Variants in WDFY3 observed in about 807,000 individuals in gnomAD.
The protein encoded by WDFY3 is WD repeat and FYVE domain containing 3.
WDFY3 carries 66 observed loss-of-function variants against 409.6 expected under a neutral mutation model. The ratio of observed to expected loss-of-function variants is 0.16; its 90% confidence interval spans 0.13 to 0.20. The LOEUF is 0.20. Ranked by LOEUF, WDFY3 falls within the 10% of genes least tolerant of loss-of-function variation. The probability of loss-of-function intolerance (pLI) is 1.00; values close to 1 mark genes in which losing one functional copy is unlikely to be tolerated. For missense variants in WDFY3, 3,031 were observed against 4,298.1 expected, an observed-to-expected ratio of 0.71 and a Z score of 8.24; for synonymous variants, 1,521 against 1,537.1, an observed-to-expected ratio of 0.99 and a Z score of 0.25.
At chr4:84,793,665 T>C (rs1748892707) in intron 21 of WDFY3, among the ~76,000 whole-genome samples, 1 of 152,194 alleles carries the variant, frequency 6.6e-6, no homozygotes, top group Non-Finnish European at 1.5e-5. Flanking sequence ...TAGGACGAAT[T>C]AGTCAACAGG....
chr4:84,762,230 T>C (rs1467730059), intron 32 of WDFY3, among the ~76,000 whole-genome samples: 2 of 151,256 alleles, frequency 1.3e-5, no homozygotes, highest in African/African-American at 2.4e-5. Context: ...CCAACAATGA[T>C]AGACTGGATT....
At chr4:84,965,160 A>G (rs1446911230) in intron 1 of WDFY3, among the ~76,000 whole-genome samples, 1 of 152,148 alleles carries the variant, frequency 6.6e-6, no homozygotes, top group East Asian at 1.9e-4. Flanking sequence ...ACGTCGCCTG[A>G]TAGTCGAAAC....
rs750622254 is a variant in WDFY3, at chr4:84,820,193, A to G, written c.1592-7T>C. 31 of 1,591,068 alleles carry G rather than the reference A, an allele frequency of 1.9e-5. No homozygotes were observed. The highest frequency in any genetic ancestry group is 2.2e-5 in the Non-Finnish European group (26 of 1,169,684). ...CTATTATTTCTTGAGTCCCCTAAAA[A>G]AAGGTTCAAAGGTCCAAATTACAAA... On this transcript the variant is annotated splice_polypyrimidine_tract_variant and splice_region_variant and intron_variant, in intron 11 of 67. Coordinates refer to ENST00000295888, the MANE Select transcript of WDFY3 (RefSeq NM_014991.6).
chr4:84,713,083 T>C (rs962963535), intron 51 of WDFY3, 76 bp downstream of exon 51: 2 of 1,484,788 alleles, frequency 1.3e-6, no homozygotes, highest in African/African-American at 2.8e-5. Context: ...ATCTAAAATG[T>C]TAAATAATAC....
At chr4:84,908,450 T>C (rs10856851) in intron 2 of WDFY3, among the ~76,000 whole-genome samples, 59,061 of 152,038 alleles carry the variant, frequency 0.39, 11,790 homozygotes, top group Admixed American at 0.47. Flanking sequence ...TTTATTGGTA[T>C]ACATGGCAAA....
At chr4:84,799,545 C>CT (rs1186600867) in intron 17 of WDFY3, among the ~76,000 whole-genome samples, 1 of 152,018 alleles carries the variant, frequency 6.6e-6, no homozygotes, top group Non-Finnish European at 1.5e-5. Flanking sequence ...AGTCTCTGCC[C>CT]CTATATAAAC....
At chr4:84,864,243 C>A (rs1310234731) in intron 3 of WDFY3, among the ~76,000 whole-genome samples, 1 of 151,564 alleles carries the variant, frequency 6.6e-6, no homozygotes, top group East Asian at 2.0e-4. Flanking sequence ...TGGCACACAC[C>A]AGTAGTCCCA....
intron 53 of WDFY3, among the ~76,000 whole-genome samples, chr4:84,706,624 G>C (rs1339757922): frequency 6.6e-6 from 1 of 151,716 alleles, no homozygotes; most frequent in Non-Finnish European, 1.5e-5. Context: ...AGGCAGAGGA[G>C]AAAAAGAACA....
Position 84,820,068 on chromosome 4 carries a change from G to A in WDFY3, c.1693+17C>T. 6.3e-7 allele frequency: 1 copy of A among 1,583,846 alleles called. No homozygotes were observed. The highest frequency in any genetic ancestry group is 8.6e-7 in the Non-Finnish European group (1 of 1,163,948). ...TGGTAATCTCCCAAAGTATTTGCTT[G>A]CAGCTTTTTAAATTACCTGCATTTG... is the stretch of plus-strand genomic sequence containing the variant. On this transcript the variant is annotated intron_variant, in intron 12 of 67. Transcript: ENST00000295888.
At chr4:84,825,987 T>C (rs1754810877) in intron 10 of WDFY3, among the ~76,000 whole-genome samples, 1 of 152,120 alleles carries the variant, frequency 6.6e-6, no homozygotes, top group Non-Finnish European at 1.5e-5. Flanking sequence ...ATCCAAATGT[T>C]TGGAAATCTA....
chr4:84,783,692 A>G (rs1746964894), intron 24 of WDFY3, among the ~76,000 whole-genome samples: 2 of 152,204 alleles, frequency 1.3e-5, no homozygotes, highest in African/African-American at 4.8e-5. Context: ...AAGTAAACAT[A>G]AGTTATCCAA....
At chr4:84,841,056 A>G in intron 6 of WDFY3, 98 bp downstream of exon 6, 2 of 915,332 alleles carry the variant, frequency 2.2e-6, no homozygotes, top group Non-Finnish European at 3.3e-6. Flanking sequence ...TTATCATAGT[A>G]TCTCATTTGG....
intron 27 of WDFY3, among the ~76,000 whole-genome samples, chr4:84,777,443 T>TG (rs1436586522): frequency 1.3e-5 from 2 of 151,974 alleles, no homozygotes; most frequent in Non-Finnish European, 2.9e-5. Context: ...AGAACCAGGA[T>TG]ATTAACACCT....
At chr4:84,841,380 T>C in intron 5 of WDFY3, 117 bp from the exon 6 acceptor site, 3 of 778,246 alleles carry the variant, frequency 3.9e-6, no homozygotes, top group Non-Finnish European at 4.1e-6. Flanking sequence ...ATCAGCACTA[T>C]TACATATAGA....
chr4:84,874,340 G>C (rs1220122781), intron 3 of WDFY3, among the ~76,000 whole-genome samples: 1 of 151,906 alleles, frequency 6.6e-6, no homozygotes, highest in African/African-American at 2.4e-5. Flanking sequence ...TTGAGCCCAG[G>C]AGGCGGAGGT....
chr4:84,814,781 C>T (rs772427708), intron 13 of WDFY3, among the ~76,000 whole-genome samples: 10 of 151,866 alleles, frequency 6.6e-5, no homozygotes, highest in Non-Finnish European at 1.0e-4. Flanking sequence ...CTTACTGTGC[C>T]TAATTTATAA....
Position 84,672,794 on chromosome 4 carries a change from A to G in WDFY3, c.*74T>C. On this transcript the variant is annotated 3_prime_UTR_variant, in exon 68 of 68. Coordinates refer to ENST00000295888, the MANE Select transcript of WDFY3 (RefSeq NM_014991.6). ...GATGTGTAAACGGAGACTGTTTTCAATGCCTTCCAAGCTGGGACAGGAGAA... is the reference window on the plus strand; with the variant it reads ...GATGTGTAAACGGAGACTGTTTTCAGTGCCTTCCAAGCTGGGACAGGAGAA... 5 of 1,579,848 alleles carry G rather than the reference A, an allele frequency of 3.2e-6. No individual in the cohort carries two copies. Among genetic ancestry groups the G allele is most frequent in the South Asian group, 2.3e-5 (2 of 85,780 alleles).
At chr4:84,759,278 G>C (rs1016447745) in intron 32 of WDFY3, among the ~76,000 whole-genome samples, 3 of 152,120 alleles carry the variant, frequency 2.0e-5, no homozygotes, top group Non-Finnish European at 4.4e-5. Context: ...GATTGACTTG[G>C]GGATGCGGGC....
At chr4:84,706,918 T>C (rs187145195) in intron 53 of WDFY3, among the ~76,000 whole-genome samples, 4 of 152,016 alleles carry the variant, frequency 2.6e-5, no homozygotes, top group Admixed American at 2.0e-4. Context: ...ACTGAATAAT[T>C]TTATTATTTA....
Sources: allele counts gnomAD v4.1 joint callset (sites outside exome capture counted in the v4.1 genomes callset), GRCh38; gene constraint gnomAD v4.1.1; transcripts MANE v1.5; gene names NCBI Gene and HGNC (gene_info 2026-07-23, HGNC 2026-07-21).